The following TNFRSF1A variants were observed in gnomAD, a reference collection of about 807,000 sequenced individuals.
TNFRSF1A encodes the protein TNF receptor superfamily member 1A.
In TNFRSF1A, 9 loss-of-function variants were observed where a neutral mutation model predicts 41.6. The observed-to-expected ratio is 0.22, with a 90% CI of 0.13 to 0.38. The LOEUF (loss-of-function observed/expected upper bound fraction) is 0.38. Among genes scored for constraint, TNFRSF1A ranks in the 10% least tolerant of loss-of-function variants. The pLI is 1.00. For missense variants in TNFRSF1A, 463 were observed against 591.5 expected, an observed-to-expected ratio of 0.78 and a Z score of 2.25; for synonymous variants, 254 against 248.6, an observed-to-expected ratio of 1.02 and a Z score of -0.21.
Position 6,341,680 on chromosome 12 carries a change from G to A in TNFRSF1A, c.39+96C>T, listed in dbSNP as rs113727920. 454 of 1,438,282 alleles carry A rather than the reference G, an allele frequency of 3.2e-4. 1 individual carries two copies. In the African/African-American group the frequency reaches 5.4e-3, roughly 17 times the overall value. 89.1% of individuals were successfully genotyped at this position (1,438,282 alleles called of 1,614,324 possible). A position where few individuals can be genotyped will look rare whatever the true frequency, so the allele number is the denominator to read the frequency against. On this transcript the variant is annotated intron_variant, in intron 1 of 9. Transcript: ENST00000162749. The surrounding 1 kb of genome is among the most constrained non-coding windows in gnomAD (Gnocchi z 4.6). ...TGAGGCTGGCGCCAGGACCAGGCCC[G>A]GGCAGGAGAGGCTCGGCCCCCTCCC...
Position 6,337,178 on chromosome 12 carries a change from C to G in TNFRSF1A, c.40-2934G>C, listed in dbSNP as rs897664169. 6.6e-6 allele frequency among the ~76,000 whole-genome samples: 1 copy of G among 152,244 alleles called. No homozygotes were observed. The highest frequency in any genetic ancestry group is 1.5e-5 in the Non-Finnish European group (1 of 68,048). ...TCAGACTCCCCACCACTGGGCACCA[C>G]TGCTGGCACCAGCTGGCCCCAGTAA... is the stretch of plus-strand genomic sequence containing the variant. On this transcript the variant is annotated intron_variant, in intron 1 of 9. Transcript: ENST00000162749. The surrounding 1 kb of genome is among the most constrained non-coding windows in gnomAD (Gnocchi z 4.6).
At chr12:6,336,228 C>A (rs1460535818) in intron 1 of TNFRSF1A, among the ~76,000 whole-genome samples, 2 of 152,106 alleles carry the variant, frequency 1.3e-5, no homozygotes, top group South Asian at 4.1e-4. Context: ...ATGAGCCTCC[C>A]TGGAGGGAGG....
At position 6,338,343 on chromosome 12, in the gene TNFRSF1A, C is replaced by A. The variant is rs371960398; in HGVS notation, c.39+3433G>T. On this transcript the variant is annotated intron_variant, in intron 1 of 9. Coordinates refer to ENST00000162749, the MANE Select transcript of TNFRSF1A (RefSeq NM_001065.4). Reference sequence around the variant, plus strand: ...GTCAGTTCATCTTGCGAGGCCTCCCCCTGTGATCTCTCGGTCCTCTCCGCA... The same window carrying A: ...GTCAGTTCATCTTGCGAGGCCTCCCACTGTGATCTCTCGGTCCTCTCCGCA... Among the ~76,000 whole-genome samples, 40 of 152,240 alleles carry A rather than the reference C, an allele frequency of 2.6e-4. 1 individual carries two copies. The East Asian group carries it at 6.9e-3, about 26-fold the overall frequency.
In TNFRSF1A at chr12:6,330,018, A is replaced by G. The variant is rs765916117; in HGVS notation, c.817T>C (p.Phe273Leu). The G allele has an allele frequency of 6.2e-7, 1 of 1,610,740 alleles. No individual in the cohort carries two copies. Among genetic ancestry groups the G allele is most frequent in the Admixed American group, 1.7e-5 (1 of 59,632 alleles). ...GGGGTGAAGCCTGGAGTGGGACTGA[A>G]GCTTGGGTTTGGGGCCAGGGGCTTA... ...TTKPLAPNPSFSPTPGFTPTL... is the reference protein window; with the variant it reads ...TTKPLAPNPSLSPTPGFTPTL... Residue 273 changes from phenylalanine (F) to leucine (L), a missense_variant, in exon 9 of 10, where the codon TTC becomes CTC. This residue lies in a region of TNFRSF1A where 277 missense variants were observed against 288.8 expected (regional missense o/e 0.96). Coordinates refer to ENST00000162749, the MANE Select transcript of TNFRSF1A (RefSeq NM_001065.4).
At position 6,337,915 on chromosome 12, in the gene TNFRSF1A, C is replaced by A. The variant is rs548800196; in HGVS notation, c.40-3671G>T. On this transcript the variant is annotated intron_variant, in intron 1 of 9. Coordinates refer to ENST00000162749, the MANE Select transcript of TNFRSF1A (RefSeq NM_001065.4). This position sits in a 1 kb window ranked among gnomAD's most constrained non-coding sequence, Gnocchi z 4.6. ...CATCTGTCTTCCACTCTAGTAGAAGCCAGTGATTCCCAAAGAGGGAGGTGA... is the reference window on the plus strand; with the variant it reads ...CATCTGTCTTCCACTCTAGTAGAAGACAGTGATTCCCAAAGAGGGAGGTGA... Among the ~76,000 whole-genome samples, 1 of 152,084 alleles carries A rather than the reference C, an allele frequency of 6.6e-6. No homozygotes were observed. Among genetic ancestry groups the A allele is most frequent in the African/African-American group, 2.4e-5 (1 of 41,404 alleles).
rs1433705996 is a variant in TNFRSF1A, at chr12:6,330,641, T to C, written c.696A>G (p.Leu232=). 1 of 1,613,764 alleles carries C rather than the reference T, an allele frequency of 6.2e-7. No homozygotes were observed. The highest frequency in any genetic ancestry group is 1.3e-5 in the African/African-American group (1 of 74,882). Residue 232 remains leucine, a synonymous_variant, in exon 7 of 10, where the codon TTA becomes TTG. Coordinates refer to ENST00000162749, the MANE Select transcript of TNFRSF1A (RefSeq NM_001065.4). The part of the protein sequence containing the change: ...LCLLSLLFIG[L]MYRYQRWKSK... ...ACTTCCACCGTTGGTAGCGATACATTAAACCAATGAAGAGGAGGGATAAAA... is the reference window on the plus strand; with the variant it reads ...ACTTCCACCGTTGGTAGCGATACATCAAACCAATGAAGAGGAGGGATAAAA...
In TNFRSF1A at chr12:6,329,182, A is replaced by T; in HGVS notation, c.*130T>A. 1 of 866,094 alleles carries T rather than the reference A, an allele frequency of 1.2e-6. No individual in the cohort carries two copies. Among genetic ancestry groups the T allele is most frequent in the Non-Finnish European group, 1.6e-6 (1 of 607,430 alleles). The allele number at this position is 866,094 out of a possible 1,614,324, so 53.7% of individuals were successfully genotyped here. A position where few individuals can be genotyped will look rare whatever the true frequency, so the allele number is the denominator to read the frequency against. ...CAGCTGAGAAAAGCTATGTACATCG[A>T]GGGGTTAGCACCAAGTAGGCGGCTG... On this transcript the variant is annotated 3_prime_UTR_variant, in exon 10 of 10. Coordinates refer to ENST00000162749, the MANE Select transcript of TNFRSF1A (RefSeq NM_001065.4).
Position 6,333,684 on chromosome 12 carries a change from G to T in TNFRSF1A, c.322+53C>A, listed in dbSNP as rs934665345. 1.1e-5 allele frequency: 17 copies of T among 1,560,708 alleles called. No homozygotes were observed. The South Asian group carries it at 1.9e-4, about 17-fold the overall frequency. ...CACCCACCAGCCTGCACATAGACAGGCACCCACACACCACTCAAGACCCGC... is the reference window on the plus strand; with the variant it reads ...CACCCACCAGCCTGCACATAGACAGTCACCCACACACCACTCAAGACCCGC... On this transcript the variant is annotated intron_variant, in intron 3 of 9. Transcript: ENST00000162749. This position sits in a 1 kb window ranked among gnomAD's most constrained non-coding sequence, Gnocchi z 6.3.
intron 1 of TNFRSF1A, among the ~76,000 whole-genome samples, chr12:6,339,816 TTCTCTCTC>T (rs71450139): frequency 8.8e-4 from 123 of 139,318 alleles, no homozygotes; most frequent in Middle Eastern, 3.7e-3. Context: ...CCTACCCCAC[TTCTCTCTC>T]TCTCTCTCTC....
chr12:6,329,679 C>T lies in TNFRSF1A; in HGVS notation c.1058-57G>A. 2.0e-6 allele frequency: 3 copies of T among 1,532,286 alleles called. No homozygotes were observed. In the South Asian group the frequency reaches 3.7e-5, roughly 19 times the overall value. 94.9% of individuals were successfully genotyped at this position (1,532,286 alleles called of 1,614,324 possible). Reference sequence around the variant, plus strand: ...GGCAACCCCAGGCCCCGCCCCGCATCCCGCGCCCTCCGCCTCTCGTGGTCC... The same window carrying T: ...GGCAACCCCAGGCCCCGCCCCGCATTCCGCGCCCTCCGCCTCTCGTGGTCC... On this transcript the variant is annotated intron_variant, in intron 9 of 9. Coordinates refer to ENST00000162749, the MANE Select transcript of TNFRSF1A (RefSeq NM_001065.4).
intron 1 of TNFRSF1A, among the ~76,000 whole-genome samples, chr12:6,339,841 T>TCTCACACACACA (rs762783221): frequency 2.2e-4 from 25 of 113,648 alleles, no homozygotes; most frequent in African/African-American, 9.7e-4. Flanking sequence ...TCTCTCTCTC[T>TCTCACACACACA]CACACACACA....
At position 6,329,412 on chromosome 12, in the gene TNFRSF1A, C is replaced by T. The variant is rs1400990852; in HGVS notation, c.1268G>A (p.Arg423His). 6.3e-7 allele frequency: 1 copy of T among 1,575,920 alleles called. No homozygotes were observed. The highest frequency in any genetic ancestry group is 1.7e-5 in the Admixed American group (1 of 57,520). ...RREATLELLGRVLRDMDLLGC... is the reference protein window; with the variant it reads ...RREATLELLGHVLRDMDLLGC... ...CAGCAGGTCCATGTCGCGGAGCACGCGTCCCAGCAGCTCCAGCGTGGCCTC... is the reference window on the plus strand; with the variant it reads ...CAGCAGGTCCATGTCGCGGAGCACGTGTCCCAGCAGCTCCAGCGTGGCCTC... Residue 423 changes from arginine (R) to histidine (H), a missense_variant, in exon 10 of 10, where the codon CGC (arginine) becomes CAC (histidine). Arg to His is a conservative substitution (Grantham distance 29). Transcript: ENST00000162749.
In TNFRSF1A at chr12:6,333,993, A is replaced by G. The variant is rs1592048064; in HGVS notation, c.193+98T>C. 2 of 1,611,474 alleles carry G rather than the reference A, an allele frequency of 1.2e-6. No individual in the cohort carries two copies. The highest frequency in any genetic ancestry group is 1.7e-6 in the Non-Finnish European group (2 of 1,177,734). ...GGAGGGAGGGAGAAAATCCCAGCCC[A>G]GGAGAGACAGCAAAGTTAGGGAAGA... On this transcript the variant is annotated intron_variant, in intron 2 of 9. Transcript: ENST00000162749. This position sits in a 1 kb window ranked among gnomAD's most constrained non-coding sequence, Gnocchi z 6.3.
At position 6,330,249 on chromosome 12, in the gene TNFRSF1A, T is replaced by C; in HGVS notation, c.768+18A>G. The stretch of plus-strand genomic sequence containing the variant: ...ATGGTCAGGGACATTTGGGAGTAAC[T>C]CTCTCATTTCATCTCACCTCTTTTT... On this transcript the variant is annotated intron_variant, in intron 8 of 9. Transcript: ENST00000162749. 6.2e-7 allele frequency: 1 copy of C among 1,614,046 alleles called. No homozygotes were observed. Among genetic ancestry groups the C allele is most frequent in the Non-Finnish European group, 8.5e-7 (1 of 1,179,958 alleles).
chr12:6,336,317 G>A (rs1948119240), intron 1 of TNFRSF1A, among the ~76,000 whole-genome samples: 1 of 152,116 alleles, frequency 6.6e-6, no homozygotes, highest in South Asian at 2.1e-4. Flanking sequence ...CCGGGAAAGG[G>A]AAATCTTTTC....
Position 6,329,186 on chromosome 12 carries a change from G to T in TNFRSF1A, c.*126C>A. ...TGAGAAAAGCTATGTACATCGAGGG[G>T]TTAGCACCAAGTAGGCGGCTGCTAG... On this transcript the variant is annotated 3_prime_UTR_variant, in exon 10 of 10. Transcript: ENST00000162749. 1.1e-6 allele frequency: 1 copy of T among 949,276 alleles called. No homozygotes were observed. The highest frequency in any genetic ancestry group is 1.5e-6 in the Non-Finnish European group (1 of 674,510). The allele number at this position is 949,276 out of a possible 1,614,324, so 58.8% of individuals were successfully genotyped here.
At chr12:6,335,827 G>A (rs1219941816) in intron 1 of TNFRSF1A, among the ~76,000 whole-genome samples, 1 of 152,216 alleles carries the variant, frequency 6.6e-6, no homozygotes, top group East Asian at 1.9e-4. Flanking sequence ...GCAGCTGTAA[G>A]CTGTGCAGGC....
chr12:6,331,379 T>A (rs1438318626), intron 5 of TNFRSF1A: 2 of 254,114 alleles, frequency 7.9e-6, no homozygotes, highest in South Asian at 4.1e-5. Flanking sequence ...CTGATAAGAA[T>A]CCTTTGGCAA....
At position 6,329,439 on chromosome 12, in the gene TNFRSF1A, C is replaced by A; in HGVS notation, c.1241G>T (p.Arg414Leu). ...LATWRRRTPR[R>L]EATLELLGRV... ...TCCCAGCAGCTCCAGCGTGGCCTCGCGCCGCGGCGTGCGCCGCCTCCAGGT... is the reference window on the plus strand; with the variant it reads ...TCCCAGCAGCTCCAGCGTGGCCTCGAGCCGCGGCGTGCGCCGCCTCCAGGT... The change falls in exon 10 of 10, where the codon CGC becomes CTC. Residue 414 changes from arginine to leucine, a missense_variant. Physicochemically the swap from Arg to Leu is moderately radical, Grantham distance 102. Coordinates refer to ENST00000162749, the MANE Select transcript of TNFRSF1A (RefSeq NM_001065.4). The A allele has an allele frequency of 6.3e-7, 1 of 1,586,142 alleles. No homozygotes were observed. The highest frequency in any genetic ancestry group is 1.4e-5 in the African/African-American group (1 of 73,980).
Sources: gnomAD v4.1 joint callset for allele counts (sites outside exome capture counted in the v4.1 genomes callset) on GRCh38, gnomAD v4.1.1 for gene constraint, gnomAD v4.1.1 regional missense constraint, Gnocchi (gnomAD v3.1) non-coding constraint, MANE v1.5 for transcripts, NCBI Gene and HGNC (gene_info 2026-07-23, HGNC 2026-07-21) for gene names.